The following SORCS1 variants were observed in gnomAD, a reference collection of about 807,000 sequenced individuals.
The protein encoded by SORCS1 is VPS10 domain-containing receptor SorCS1.
In SORCS1, 60 loss-of-function variants were observed where a neutral mutation model predicts 146.1. The observed-to-expected ratio is 0.41, with a 90% CI of 0.33 to 0.51. SORCS1 has a LOEUF of 0.51. SORCS1 is among the 20% of genes least tolerant of loss of function. The pLI, the probability that SORCS1 is intolerant of heterozygous loss-of-function variation, is 0.21. For missense variants in SORCS1, 1,352 were observed against 1,487.6 expected (o/e 0.91, Z 1.50); for synonymous variants, 637 against 584.0 (o/e 1.09, Z -1.31).
chr10:106,880,100 C>T (rs1249611184), intron 2 of SORCS1, among the ~76,000 whole-genome samples: 3 of 152,250 alleles, frequency 2.0e-5, no homozygotes, highest in African/African-American at 7.2e-5. Context: ...GGCTAAGGTG[C>T]CTGGAACGCA....
intron 2 of SORCS1, among the ~76,000 whole-genome samples, chr10:106,855,646 G>GAGC (rs1230588019): frequency 1.3e-5 from 2 of 152,070 alleles, no homozygotes; most frequent in Non-Finnish European, 1.5e-5. Flanking sequence ...TCTCAGCCAT[G>GAGC]TCCAGTCTAC....
the SORCS1 span, among the ~76,000 whole-genome samples, chr10:107,170,330 C>A: frequency 2.0e-5 from 3 of 152,296 alleles, no homozygotes; most frequent in Middle Eastern, 3.4e-3. Context: ...TTAAACTAAA[C>A]TTGGAGCTAC....
At chr10:107,146,659 G>A (rs113422071) in intron 1 of SORCS1, among the ~76,000 whole-genome samples, 12 of 152,186 alleles carry the variant, frequency 7.9e-5, no homozygotes, top group East Asian at 7.7e-4. Flanking sequence ...CGTCCTAAAC[G>A]CAGTAGAATA....
chr10:106,589,531 G>C (rs181350960), intron 24 of SORCS1, among the ~76,000 whole-genome samples: 2 of 152,222 alleles, frequency 1.3e-5, no homozygotes, highest in African/African-American at 4.8e-5. Context: ...CTGATGATCT[G>C]CTATGAGATG....
the SORCS1 span, among the ~76,000 whole-genome samples, chr10:107,171,626 C>T: frequency 7.2e-3 from 1,062 of 146,518 alleles, 8 homozygotes; most frequent in African/African-American, 0.023. Context: ...AAGCAGTTCT[C>T]CTACCTCAGC....
chr10:107,149,818 A>G (rs1968623008), intron 1 of SORCS1, among the ~76,000 whole-genome samples: 2 of 152,246 alleles, frequency 1.3e-5, no homozygotes, highest in Admixed American at 1.3e-4. Flanking sequence ...AAAGTGTTCA[A>G]CCAGTCACAG....
intron 1 of SORCS1, among the ~76,000 whole-genome samples, chr10:107,056,147 C>T (rs1028408763): frequency 6.6e-6 from 1 of 152,152 alleles, no homozygotes; most frequent in Non-Finnish European, 1.5e-5. Flanking sequence ...TCACAATAAA[C>T]GTCCTATCAA....
chr10:106,793,795 A>G (rs551583428), intron 3 of SORCS1, among the ~76,000 whole-genome samples: 5 of 152,232 alleles, frequency 3.3e-5, no homozygotes, highest in Non-Finnish European at 7.3e-5. Context: ...TACTTTTCCA[A>G]AACACACTAC....
intron 1 of SORCS1, among the ~76,000 whole-genome samples, chr10:107,108,048 G>A (rs2134432298): frequency 6.6e-6 from 1 of 152,296 alleles, no homozygotes; most frequent in East Asian, 1.9e-4. Context: ...GGGTAGGCTT[G>A]CCAAACTCAG....
intron 1 of SORCS1, among the ~76,000 whole-genome samples, chr10:106,989,630 T>C (rs999581283): frequency 7.3e-5 from 11 of 151,246 alleles, no homozygotes; most frequent in South Asian, 2.1e-4. Context: ...TATAAACCAT[T>C]CCAAAGCAGA....
At chr10:107,000,712 A>G (rs1333297024) in intron 1 of SORCS1, among the ~76,000 whole-genome samples, 2 of 152,176 alleles carry the variant, frequency 1.3e-5, no homozygotes, top group African/African-American at 4.8e-5. Flanking sequence ...TTTTACAGGC[A>G]AGAAGATTGA....
chr10:106,921,135 CAAGTGTTATGTTCCAGTTTTTA>C (rs1314388806), intron 2 of SORCS1, among the ~76,000 whole-genome samples: 1 of 152,180 alleles, frequency 6.6e-6, no homozygotes, highest in African/African-American at 2.4e-5. Context: ...TTATCTCAGT[CAAGTGTTATGTTCCAGTTTTTA>C]AAGCCCCAAA....
chr10:106,937,335 TA>T (rs1288792482), intron 2 of SORCS1, among the ~76,000 whole-genome samples: 11 of 127,648 alleles, frequency 8.6e-5, no homozygotes, highest in African/African-American at 3.5e-4. Flanking sequence ...CATGCCCAGC[TA>T]TTTTTTTTTT....
intron 2 of SORCS1, among the ~76,000 whole-genome samples, chr10:106,895,894 A>C (rs1951454186): frequency 6.6e-6 from 1 of 152,082 alleles, no homozygotes; most frequent in Admixed American, 6.6e-5. Context: ...GAATGGACAA[A>C]ATGTTATCAT....
chr10:106,886,914 A>T (rs989226898), intron 2 of SORCS1, among the ~76,000 whole-genome samples: 7 of 152,196 alleles, frequency 4.6e-5, no homozygotes, highest in Non-Finnish European at 1.0e-4. Context: ...TGTGCCCAGG[A>T]CTATGCCAGG....
At chr10:106,901,468 T>C (rs7905554) in intron 2 of SORCS1, among the ~76,000 whole-genome samples, 11,775 of 152,158 alleles carry the variant, frequency 0.077, 994 homozygotes, top group African/African-American at 0.2. Flanking sequence ...TGTCTCACTT[T>C]GTCACCCAGG....
chr10:107,075,090 A>G (rs985528603), intron 1 of SORCS1, among the ~76,000 whole-genome samples: 33 of 152,282 alleles, frequency 2.2e-4, no homozygotes, highest in African/African-American at 7.2e-4. Context: ...TTGCATGGAA[A>G]AAAACTTCAA....
chr10:107,015,714 CT>C (rs1957869307), intron 1 of SORCS1, among the ~76,000 whole-genome samples: 1 of 152,184 alleles, frequency 6.6e-6, no homozygotes, highest in African/African-American at 2.4e-5. Context: ...TGCAAGGACT[CT>C]TTCCCCATTA....
At chr10:107,057,164 C>T (rs972665789) in intron 1 of SORCS1, among the ~76,000 whole-genome samples, 10 of 152,132 alleles carry the variant, frequency 6.6e-5, no homozygotes, top group African/African-American at 2.4e-4. Context: ...ATGAGATCAG[C>T]ACTGTTGATT....
Sources: gnomAD v4.1 joint callset for allele counts (sites outside exome capture counted in the v4.1 genomes callset) on GRCh38, gnomAD v4.1.1 for gene constraint, MANE v1.5 for transcripts, NCBI Gene and HGNC (gene_info 2026-07-23, HGNC 2026-07-21) for gene names.